SYNPR: variants seen among roughly 807,000 people sequenced by gnomAD.
SYNPR encodes the protein synaptoporin.
Under a neutral mutation model 32.9 loss-of-function variants are expected in SYNPR, and 23 were observed. The ratio of observed to expected loss-of-function variants is 0.70; its 90% CI spans 0.50 to 0.99. The LOEUF (loss-of-function observed/expected upper bound fraction) is 0.99. Among genes scored for constraint, SYNPR ranks in the 50% least tolerant of loss-of-function variants. SYNPR has a pLI of 0.00. For missense variants in SYNPR, 318 were observed against 349.3 expected, an observed-to-expected ratio of 0.91 and a Z score of 0.71; for synonymous variants, 146 against 135.9, an observed-to-expected ratio of 1.07 and a Z score of -0.52.
chr3:63,606,422 T>TTTTTTTTTTTTTTTTTTTTTTTC (rs1700122181), intron 4 of SYNPR, among the ~76,000 whole-genome samples: 1 of 129,510 alleles, frequency 7.7e-6, no homozygotes, highest in Non-Finnish European at 1.6e-5. Context: ...CCTTTCTTTT[T>TTTTTTTTTTTTTTTTTTTTTTTC]TTTTTTTTTT....
intron 2 of SYNPR, among the ~76,000 whole-genome samples, chr3:63,327,022 T>C (rs2037571): frequency 0.45 from 68,682 of 151,668 alleles, 15,687 homozygotes; most frequent in Middle Eastern, 0.52. Flanking sequence ...AATGAACCAC[T>C]GACACTTTAC....
intron 2 of SYNPR, among the ~76,000 whole-genome samples, chr3:63,418,903 A>G (rs1009721036): frequency 6.6e-6 from 1 of 152,210 alleles, no homozygotes; most frequent in African/African-American, 2.4e-5. Flanking sequence ...ACAACTGCTT[A>G]GAATTTAGGC....
At chr3:63,279,286 C>A (rs2086606399) in intron 2 of SYNPR, among the ~76,000 whole-genome samples, 1 of 152,192 alleles carries the variant, frequency 6.6e-6, no homozygotes, top group Non-Finnish European at 1.5e-5. Context: ...CTATTACAGA[C>A]TGTTATAAAC....
At chr3:63,279,625 G>A (rs955361031) in intron 2 of SYNPR, among the ~76,000 whole-genome samples, 3 of 152,182 alleles carry the variant, frequency 2.0e-5, no homozygotes, top group African/African-American at 7.2e-5. Context: ...AACTCCAAAA[G>A]GCAAGCAAAC....
intron 2 of SYNPR, among the ~76,000 whole-genome samples, chr3:63,370,957 A>G (rs1575613595): frequency 6.6e-6 from 1 of 152,282 alleles, no homozygotes; most frequent in Admixed American, 6.5e-5. Context: ...GACTAGAAGG[A>G]GCTAGCGTGC....
intron 4 of SYNPR, among the ~76,000 whole-genome samples, chr3:63,559,739 G>A (rs1462593257): frequency 1.3e-5 from 2 of 149,338 alleles, no homozygotes; most frequent in Non-Finnish European, 3.0e-5. Flanking sequence ...TCAGTTAATA[G>A]TCTAAATGAT....
rs759656882 is a variant in SYNPR at position 63,278,519 on chromosome 3, G to A, written c.-15G>A. ...AAAAGAACTGGTGGATGAGAAGAGC[G>A]AGCGAGGGCGAGCTATGGACCCTGT... On this transcript the variant is annotated 5_prime_UTR_variant, in exon 1 of 6. Transcript: ENST00000478300. 8 of 1,547,544 alleles carry A rather than the reference G, an allele frequency of 5.2e-6. No individual in the cohort carries two copies. In the Admixed American group the frequency reaches 1.4e-4, roughly 27 times the overall value.
chr3:63,491,796 C>T (rs566923767), intron 3 of SYNPR, among the ~76,000 whole-genome samples: 59 of 152,306 alleles, frequency 3.9e-4, no homozygotes, highest in Non-Finnish European at 7.8e-4. Flanking sequence ...ACTGGGATTA[C>T]AGGCATGAAC....
intron 2 of SYNPR, among the ~76,000 whole-genome samples, chr3:63,352,884 G>A (rs1009474853): frequency 3.3e-5 from 5 of 152,144 alleles, no homozygotes; most frequent in Non-Finnish European, 5.9e-5. Flanking sequence ...GAACAGCACC[G>A]GAAAGACCTG....
Position 63,615,504 on chromosome 3 carries a change from T to C in SYNPR, c.*23T>C. 2 of 1,598,856 alleles carry C rather than the reference T, an allele frequency of 1.3e-6. No homozygotes were observed. Among genetic ancestry groups the C allele is most frequent in the South Asian group, 1.1e-5 (1 of 89,112 alleles). ...TAACAGAGTAGCATTTGCATTCTTC[T>C]GCAGTCGCCTCACCATCTTCCATTT... is the stretch of plus-strand genomic sequence containing the variant. On this transcript the variant is annotated 3_prime_UTR_variant, in exon 6 of 6. Transcript: ENST00000478300.
At chr3:63,347,633 C>A (rs1222947138) in intron 2 of SYNPR, among the ~76,000 whole-genome samples, 1 of 152,092 alleles carries the variant, frequency 6.6e-6, no homozygotes, top group African/African-American at 2.4e-5. Context: ...CACCCTCCAC[C>A]CTTCCAGCCT....
chr3:63,334,828 CT>C (rs34979712), intron 2 of SYNPR, among the ~76,000 whole-genome samples: 32,151 of 151,966 alleles, frequency 0.21, 3,965 homozygotes, highest in South Asian at 0.38. Context: ...TTTGCCATCA[CT>C]TTCAATAGCG....
At chr3:63,498,592 G>A (rs1701416595) in intron 3 of SYNPR, among the ~76,000 whole-genome samples, 1 of 152,122 alleles carries the variant, frequency 6.6e-6, no homozygotes, top group Admixed American at 6.6e-5. Context: ...ATGAACGATT[G>A]CAAAGATCTG....
chr3:63,494,481 A>ACG (rs1701330962), intron 3 of SYNPR, among the ~76,000 whole-genome samples: 1 of 125,894 alleles, frequency 7.9e-6, no homozygotes, highest in Non-Finnish European at 1.6e-5. Context: ...ATATATACAT[A>ACG]TATATACATA....
chr3:63,276,620 T>TTCCC (rs1560175989), upstream of SYNPR, among the ~76,000 whole-genome samples: 2 of 142,034 alleles, frequency 1.4e-5, no homozygotes, highest in Non-Finnish European at 3.0e-5. Context: ...TAGTGTTAGT[T>TTCCC]CCCCCCACCC....
intron 2 of SYNPR, among the ~76,000 whole-genome samples, chr3:63,340,640 C>G (rs541990555): frequency 1.3e-5 from 2 of 151,772 alleles, no homozygotes; most frequent in Non-Finnish European, 2.9e-5. Flanking sequence ...GGGATGGTCT[C>G]GATCTCCTGA....
At chr3:63,537,937 C>A (rs28680385) in intron 3 of SYNPR, among the ~76,000 whole-genome samples, 3 of 151,934 alleles carry the variant, frequency 2.0e-5, no homozygotes, top group African/African-American at 4.8e-5. Flanking sequence ...GGACATCTAC[C>A]CCTGGTTGTC....
chr3:63,474,031 C>A (rs1397965161), intron 2 of SYNPR, among the ~76,000 whole-genome samples: 1 of 152,110 alleles, frequency 6.6e-6, no homozygotes, highest in African/African-American at 2.4e-5. Context: ...ATGGGAAGCA[C>A]AATGACAAGT....
chr3:63,234,009 G>T (rs2086183310), intron 1 of SYNPR, among the ~76,000 whole-genome samples: 1 of 152,154 alleles, frequency 6.6e-6, no homozygotes, highest in African/African-American at 2.4e-5. Flanking sequence ...ACATACATTA[G>T]GTGTGTGGTG....
Sources: allele counts gnomAD v4.1 joint callset (sites outside exome capture counted in the v4.1 genomes callset), GRCh38; gene constraint gnomAD v4.1.1; transcripts MANE v1.5; gene names NCBI Gene and HGNC (gene_info 2026-07-23, HGNC 2026-07-21).